The following MYO9B variants were observed in gnomAD, a reference collection of about 807,000 sequenced individuals.
MYO9B encodes unconventional myosin-IXb.
Under a neutral mutation model 229.5 loss-of-function variants are expected in MYO9B, and 71 were observed. The ratio of observed to expected loss-of-function variants is 0.31; its 90% CI spans 0.26 to 0.38. MYO9B has a LOEUF of 0.38. Among genes scored for constraint, MYO9B ranks in the 10% least tolerant of loss-of-function variants. The pLI is 1.00. For missense variants in MYO9B, 2,255 were observed against 2,920.5 expected, an observed-to-expected ratio of 0.77 and a Z score of 5.25; for synonymous variants, 1,185 against 1,235.8, an observed-to-expected ratio of 0.96 and a Z score of 0.86.
chr19:17,167,440 AT>A (rs1466553877), intron 10 of MYO9B, among the ~76,000 whole-genome samples: 2 of 148,384 alleles, frequency 1.3e-5, no homozygotes, highest in African/African-American at 5.0e-5. Flanking sequence ...CATTTTGGAT[AT>A]ATCATGTTAA....
intron 11 of MYO9B, among the ~76,000 whole-genome samples, chr19:17,169,422 C>T (rs1257250503): frequency 6.7e-6 from 1 of 149,576 alleles, no homozygotes; most frequent in Admixed American, 6.7e-5. Flanking sequence ...AATTTTTAAC[C>T]AGCCTGGCCA....
chr19:17,210,185 T>C (rs2073210044), intron 36 of MYO9B, 148 bp from the exon 37 acceptor site: 9 of 747,706 alleles, frequency 1.2e-5, no homozygotes, highest in Non-Finnish European at 1.9e-5. Context: ...AGCCCCACAG[T>C]GCAGGGGTGT....
Position 17,200,764 on chromosome 19 carries a change from T to A in MYO9B, c.4498T>A (p.Ser1500Thr). Residue 1500 changes from serine to threonine, a missense_variant, in exon 26 of 40, where the codon TCG becomes ACG. Around this residue, in one of 7 missense-constraint regions of MYO9B, gnomAD observed 416 missense variants for 605.5 expected, o/e 0.69. Coordinates refer to ENST00000682292, the MANE Select transcript of MYO9B (RefSeq NM_004145.4). ...KITVSEKWRE[S>T]VFRQITNANE... is the part of the protein sequence containing the mutation. The stretch of plus-strand genomic sequence containing the variant: ...CACAGTGTCAGAGAAGTGGCGGGAA[T>A]CGGTGTTCCGCCAGATCACCAACGC... 6.2e-7 allele frequency: 1 copy of A among 1,613,886 alleles called. No homozygotes were observed. Among genetic ancestry groups the A allele is most frequent in the South Asian group, 1.1e-5 (1 of 91,076 alleles).
In MYO9B at chr19:17,102,441, G is replaced by A. The variant is rs750177541; in HGVS notation, c.724G>A (p.Gly242Ser). 12 of 1,613,830 alleles carry A rather than the reference G, an allele frequency of 7.4e-6. No individual in the cohort carries two copies. Among genetic ancestry groups the A allele is most frequent in the East Asian group, 6.7e-5 (3 of 44,890 alleles). The change falls in exon 2 of 40, where the codon GGC becomes AGC. Residue 242 changes from glycine to serine, a missense_variant. By Grantham distance (56) the Gly-to-Ser change is moderately conservative. Around this residue, in one of 7 missense-constraint regions of MYO9B, gnomAD observed 386 missense variants for 515.2 expected, o/e 0.75. Transcript: ENST00000682292. ...NQCIVISGES[G>S]SGKTQSTNFL... ...GTGCATCGTGATCTCGGGTGAGAGC[G>A]GCTCCGGCAAGACCCAGAGCACCAA...
chr19:17,115,560 C>T (rs1274048158), intron 2 of MYO9B, among the ~76,000 whole-genome samples: 3 of 151,392 alleles, frequency 2.0e-5, no homozygotes, highest in Non-Finnish European at 4.4e-5. Context: ...CCTCCGCCTC[C>T]CGGGTTCAAG....
intron 11 of MYO9B, among the ~76,000 whole-genome samples, chr19:17,171,764 T>C (rs1218702799): frequency 1.3e-5 from 2 of 151,846 alleles, no homozygotes; most frequent in Non-Finnish European, 2.9e-5. Flanking sequence ...CCAGCCTGGG[T>C]AACATAGCAA....
chr19:17,172,897 A>G lies in MYO9B; in HGVS notation c.2074A>G (p.Ile692Val). The G allele has an allele frequency of 1.2e-6, 2 of 1,602,600 alleles. No homozygotes were observed. The highest frequency in any genetic ancestry group is 2.2e-5 in the South Asian group (2 of 91,066). Residue 692 changes from isoleucine (I) to valine (V), a missense_variant, in exon 13 of 40, where the codon ATC (isoleucine) becomes GTC (valine). Physicochemically the swap from Ile to Val is conservative, Grantham distance 29. Coordinates refer to ENST00000682292, the MANE Select transcript of MYO9B (RefSeq NM_004145.4). This position sits in a 1 kb window ranked among gnomAD's most constrained non-coding sequence, Gnocchi z 8.2. Reference protein sequence around the residue: ...VFRWAVLRAAIRAMAVLREAG... With the variant: ...VFRWAVLRAAVRAMAVLREAG... ...CCGCTGGGCCGTGCTCCGGGCTGCTATCCGGGCCATGGCAGTGCTTCGGGA... is the reference window on the plus strand; with the variant it reads ...CCGCTGGGCCGTGCTCCGGGCTGCTGTCCGGGCCATGGCAGTGCTTCGGGA...
At chr19:17,085,709 G>A (rs867509287) in intron 1 of MYO9B, among the ~76,000 whole-genome samples, 1 of 151,650 alleles carries the variant, frequency 6.6e-6, no homozygotes, top group Non-Finnish European at 1.5e-5. Context: ...ACTTGCACCT[G>A]TAGTCCCAGC....
intron 10 of MYO9B, among the ~76,000 whole-genome samples, chr19:17,167,222 G>A (rs113792995): frequency 1.4e-5 from 2 of 143,624 alleles, no homozygotes; most frequent in African/African-American, 5.3e-5. Flanking sequence ...TTTTTGAGAT[G>A]GAGTCTTGCT....
intron 2 of MYO9B, among the ~76,000 whole-genome samples, chr19:17,119,712 C>T (rs1211114978): frequency 2.0e-5 from 3 of 152,090 alleles, no homozygotes; most frequent in Non-Finnish European, 2.9e-5. Context: ...AGTGCAGTGG[C>T]GCAATCTCAG....
At chr19:17,083,377 G>A (rs188447773) in intron 1 of MYO9B, among the ~76,000 whole-genome samples, 4 of 152,210 alleles carry the variant, frequency 2.6e-5, no homozygotes, top group Admixed American at 1.3e-4. Context: ...CAGCATTGGT[G>A]ACATTGGGGG....
chr19:17,188,628 A>G (rs769162717), intron 19 of MYO9B, among the ~76,000 whole-genome samples: 1 of 152,112 alleles, frequency 6.6e-6, no homozygotes, highest in African/African-American at 2.4e-5. Flanking sequence ...TCCTATGCGG[A>G]TAAGAAAAGC....
chr19:17,094,015 T>TTGTTG (rs2057664603), intron 1 of MYO9B, among the ~76,000 whole-genome samples: 1 of 148,514 alleles, frequency 6.7e-6, no homozygotes, highest in Non-Finnish European at 1.5e-5. Context: ...TGCAGCTGGC[T>TTGTTG]TTGTTGTTGT....
chr19:17,184,610 A>G (rs2072896978), intron 16 of MYO9B: 6 of 426,062 alleles, frequency 1.4e-5, no homozygotes, highest in South Asian at 1.2e-4. Context: ...GGAAGAGGAA[A>G]TGGGGCAGCC....
chr19:17,101,564 C>A lies in MYO9B; in HGVS notation c.-58-96C>A. On this transcript the variant is annotated intron_variant, in intron 1 of 39. Coordinates refer to ENST00000682292, the MANE Select transcript of MYO9B (RefSeq NM_004145.4). This position sits in a 1 kb window ranked among gnomAD's most constrained non-coding sequence, Gnocchi z 4.7. ...CTAGTCGGGTGGGGAACTCCAGCAT[C>A]GGGTCAGGTGCTATCTGCCCAGGAG... is the stretch of plus-strand genomic sequence containing the variant. 8.1e-7 allele frequency: 1 copy of A among 1,237,078 alleles called. No individual in the cohort carries two copies. Among genetic ancestry groups the A allele is most frequent in the Non-Finnish European group, 1.1e-6 (1 of 922,004 alleles). The allele number at this position is 1,237,078 out of a possible 1,614,324, so 76.6% of individuals were successfully genotyped here.
At chr19:17,197,091 C>T (rs1210661206) in intron 22 of MYO9B, among the ~76,000 whole-genome samples, 3 of 151,928 alleles carry the variant, frequency 2.0e-5, no homozygotes, top group Admixed American at 1.3e-4. Context: ...TCCTGGCCAA[C>T]GTGGCGAAAC....
chr19:17,191,785 G>C (rs1471419726), intron 20 of MYO9B, among the ~76,000 whole-genome samples: 1 of 151,926 alleles, frequency 6.6e-6, no homozygotes. Context: ...AGACCAGCCT[G>C]GGAAACATAG....
chr19:17,200,211 C>T, intron 24 of MYO9B, 82 bp from the exon 25 acceptor site: 1 of 1,506,244 alleles, frequency 6.6e-7, no homozygotes, highest in Non-Finnish European at 8.9e-7. Context: ...GAGCATTTGC[C>T]ATGTGTCCAG....
chr19:17,205,169 A>C, intron 30 of MYO9B, 94 bp from the exon 31 acceptor site: 2 of 865,032 alleles, frequency 2.3e-6, no homozygotes, highest in South Asian at 1.5e-5. Context: ...AAAAAAAAGA[A>C]GGCAATTGGC....
Sources: allele counts gnomAD v4.1 joint callset (sites outside exome capture counted in the v4.1 genomes callset), GRCh38; gene constraint gnomAD v4.1.1; regional missense constraint gnomAD v4.1.1; non-coding constraint Gnocchi (gnomAD v3.1); transcripts MANE v1.5; gene names NCBI Gene and HGNC (gene_info 2026-07-23, HGNC 2026-07-21).